CCDC61: variants seen among roughly 807,000 people sequenced by gnomAD.
CCDC61 encodes the protein centrosomal protein CCDC61.
In CCDC61, 55 loss-of-function variants were observed where a neutral mutation model predicts 63.0. The observed-to-expected ratio is 0.87, with a 90% confidence interval of 0.70 to 1.09. CCDC61 has a LOEUF of 1.09. CCDC61 is among the 50% of genes least tolerant of loss of function. The probability of loss-of-function intolerance (pLI) is 0.00; values close to 1 mark genes in which losing one functional copy is unlikely to be tolerated. For missense variants in CCDC61, 651 were observed against 731.4 expected, an observed-to-expected ratio of 0.89 and a Z score of 1.27; for synonymous variants, 270 against 317.0, an observed-to-expected ratio of 0.85 and a Z score of 1.58.
At chr19:45,998,330 T>C (rs772170618) in intron 1 of CCDC61, among the ~76,000 whole-genome samples, 2 of 152,202 alleles carry the variant, frequency 1.3e-5, no homozygotes, top group Non-Finnish European at 2.9e-5. Context: ...TTGTGTATAG[T>C]TGGGACCCGA....
At position 46,018,566 on chromosome 19, in the gene CCDC61, C is replaced by T. The variant is rs1478008785; in HGVS notation, c.*179C>T. 5.1e-6 allele frequency: 3 copies of T among 582,524 alleles called. No individual in the cohort carries two copies. The highest frequency in any genetic ancestry group is 9.3e-6 in the Non-Finnish European group (3 of 322,416). 36.1% of individuals were successfully genotyped at this position (582,524 alleles called of 1,614,324 possible). A position where few individuals can be genotyped will look rare whatever the true frequency, so the allele number is the denominator to read the frequency against. On this transcript the variant is annotated 3_prime_UTR_variant, in exon 14 of 14. Transcript: ENST00000595358. The surrounding 1 kb of genome is among the most constrained non-coding windows in gnomAD (Gnocchi z 4.2). ...CTGCCCTCTCCCCAGGCAGTGCATG[C>T]TGGGAGGGAGGATGTGTGCATTTTG... is the stretch of plus-strand genomic sequence containing the variant.
chr19:46,009,837 T>TGTGTGTGTGTGTGTGTGTGC (rs1272891549), intron 5 of CCDC61, among the ~76,000 whole-genome samples: 1 of 151,228 alleles, frequency 6.6e-6, no homozygotes, highest in Non-Finnish European at 1.5e-5. Flanking sequence ...TGTGTGTGTG[T>TGTGTGTGTGTGTGTGTGTGC]GCGCGCGCGT....
Position 46,008,296 on chromosome 19 carries a change from G to A in CCDC61, c.546G>A (p.Arg182=). 3 of 1,596,036 alleles carry A rather than the reference G, an allele frequency of 1.9e-6. No homozygotes were observed. Among genetic ancestry groups the A allele is most frequent in the South Asian group, 1.1e-5 (1 of 89,804 alleles). ...GGGAGAATGAGATCTGGCATCTGCGGGAGCAGTGAGTCTTGGAGGGGTGGG... is the reference window on the plus strand; with the variant it reads ...GGGAGAATGAGATCTGGCATCTGCGAGAGCAGTGAGTCTTGGAGGGGTGGG... ...DTRENEIWHL[R]EQVSRLASEK... Residue 182 remains arginine (R), a synonymous_variant, in exon 5 of 14, where the codon CGG becomes CGA. Coordinates refer to ENST00000595358, the MANE Select transcript of CCDC61 (RefSeq NM_001267723.2).
chr19:46,017,965 G>C (rs1968981456), intron 12 of CCDC61, 113 bp from the exon 13 acceptor site: 1 of 875,480 alleles, frequency 1.1e-6, no homozygotes, highest in Admixed American at 2.8e-5. Context: ...GCCAGTAGGT[G>C]TCAGGCCTTA....
Position 46,016,470 on chromosome 19 carries a change from C to T in CCDC61, c.1091+77C>T. 1.3e-6 allele frequency: 2 copies of T among 1,515,586 alleles called. No homozygotes were observed. Among genetic ancestry groups the T allele is most frequent in the Non-Finnish European group, 1.8e-6 (2 of 1,100,774 alleles). 93.9% of individuals were successfully genotyped at this position (1,515,586 alleles called of 1,614,324 possible). A position where few individuals can be genotyped will look rare whatever the true frequency, so the allele number is the denominator to read the frequency against. On this transcript the variant is annotated intron_variant, in intron 9 of 13. Transcript: ENST00000595358. The surrounding 1 kb of genome is among the most constrained non-coding windows in gnomAD (Gnocchi z 7.2). Reference sequence around the variant, plus strand: ...CCCGGGCTCTCATCTCTCCACGCCACCATCAGTCTCCATCCCCTGCCACCT... The same window carrying T: ...CCCGGGCTCTCATCTCTCCACGCCATCATCAGTCTCCATCCCCTGCCACCT...
Position 46,015,606 on chromosome 19 carries a change from G to A in CCDC61, c.845+179G>A, listed in dbSNP as rs989590495. 3.9e-5 allele frequency among the ~76,000 whole-genome samples: 6 copies of A among 152,122 alleles called. No individual in the cohort carries two copies. The highest frequency in any genetic ancestry group is 3.2e-3 in the Middle Eastern group (1 of 316). On this transcript the variant is annotated intron_variant, in intron 7 of 13. Coordinates refer to ENST00000595358, the MANE Select transcript of CCDC61 (RefSeq NM_001267723.2). The surrounding 1 kb of genome is among the most constrained non-coding windows in gnomAD (Gnocchi z 5.3). The stretch of plus-strand genomic sequence containing the variant: ...GTCCAGACAGGATTTGGGTGCAGTG[G>A]TTAGGAGGTGGACCCGGGCTGTGCG...
chr19:46,007,804 T>G (rs537928250), intron 4 of CCDC61, among the ~76,000 whole-genome samples: 24 of 152,306 alleles, frequency 1.6e-4, no homozygotes, highest in Non-Finnish European at 2.8e-4. Flanking sequence ...AATGCCCCGC[T>G]GTGGCATCTG....
At chr19:46,012,466 T>A (rs976475690) in intron 5 of CCDC61, among the ~76,000 whole-genome samples, 4 of 152,100 alleles carry the variant, frequency 2.6e-5, no homozygotes, top group Non-Finnish European at 4.4e-5. Context: ...GCCAACATGA[T>A]GAAACCCTGT....
Position 45,995,470 on chromosome 19 carries a change from T to A in CCDC61, c.-46T>A, listed in dbSNP as rs186404911. The A allele has an allele frequency of 1.9e-6, 1 of 531,258 alleles. No individual in the cohort carries two copies. The highest frequency in any genetic ancestry group is 2.0e-5 in the Admixed American group (1 of 51,078). 32.9% of individuals were successfully genotyped at this position (531,258 alleles called of 1,614,324 possible). ...GGGGCGGGGCTGGAGCTTCGTCAGT[T>A]GAACCGCTCGCGAGGAGGGTTGCTA... On this transcript the variant is annotated 5_prime_UTR_variant, in exon 1 of 14. Transcript: ENST00000595358.
chr19:46,016,105 A>C lies in CCDC61; in HGVS notation c.897A>C (p.Ser299=). 1.6e-6 allele frequency: 2 copies of C among 1,236,910 alleles called. No homozygotes were observed. Among genetic ancestry groups the C allele is most frequent in the Non-Finnish European group, 2.0e-6 (2 of 992,186 alleles). The allele number at this position is 1,236,910 out of a possible 1,614,324, so 76.6% of individuals were successfully genotyped here. A position where few individuals can be genotyped will look rare whatever the true frequency, so the allele number is the denominator to read the frequency against. ...QPPPTREDRA[S]SSRERSASRG... ...CCCCGACGCGGGAGGACCGGGCCTC[A>C]TCGTCCCGGGAGCGCTCCGCGTCGC... The change falls in exon 8 of 14, where the codon TCA becomes TCC. Residue 299 remains serine, a synonymous_variant. Transcript: ENST00000595358. This position sits in a 1 kb window ranked among gnomAD's most constrained non-coding sequence, Gnocchi z 7.2.
In CCDC61 at chr19:46,015,030, C is replaced by T. The variant is rs1426899253; in HGVS notation, c.552-19C>T. 6.7e-7 allele frequency: 1 copy of T among 1,487,884 alleles called. No homozygotes were observed. Among genetic ancestry groups the T allele is most frequent in the East Asian group, 2.9e-5 (1 of 34,848 alleles). The allele number at this position is 1,487,884 out of a possible 1,614,324, so 92.2% of individuals were successfully genotyped here. ...GGGCCATGCCTCTCTCTCCAGCGCTCTCTCCGCGTCTTCCCCAGGGTGTCG... is the reference window on the plus strand; with the variant it reads ...GGGCCATGCCTCTCTCTCCAGCGCTTTCTCCGCGTCTTCCCCAGGGTGTCG... On this transcript the variant is annotated intron_variant, in intron 5 of 13. Transcript: ENST00000595358. This position sits in a 1 kb window ranked among gnomAD's most constrained non-coding sequence, Gnocchi z 5.3.
At chr19:45,997,591 A>C (rs1600637306) in intron 1 of CCDC61, among the ~76,000 whole-genome samples, 1 of 152,066 alleles carries the variant, frequency 6.6e-6, no homozygotes, top group Admixed American at 6.6e-5. Flanking sequence ...GGGTTTTGCC[A>C]TGTTGGCCAG....
At chr19:46,002,949 C>T in intron 1 of CCDC61, 59 bp from the exon 2 acceptor site, 1 of 1,528,394 alleles carries the variant, frequency 6.5e-7, no homozygotes, top group Non-Finnish European at 8.9e-7. Flanking sequence ...GCCTGGCCTT[C>T]CAACTCATGA....
intron 5 of CCDC61, among the ~76,000 whole-genome samples, chr19:46,012,605 C>T (rs566648579): frequency 1.3e-5 from 2 of 152,074 alleles, no homozygotes; most frequent in African/African-American, 4.8e-5. Context: ...CGAGATCACG[C>T]CACTGCACTC....
At chr19:46,014,917 T>G in intron 5 of CCDC61, 132 bp from the exon 6 acceptor site, 3 of 685,490 alleles carry the variant, frequency 4.4e-6, no homozygotes, top group Non-Finnish European at 6.6e-6. Flanking sequence ...CCCCTCCCCA[T>G]GGGGTCAGTT....
rs1383527314 is a variant in CCDC61, at chr19:46,006,825, C to T, written c.389+109C>T. 5 of 1,050,130 alleles carry T rather than the reference C, an allele frequency of 4.8e-6. No homozygotes were observed. The African/African-American group carries it at 6.3e-5, about 13-fold the overall frequency. 65.1% of individuals were successfully genotyped at this position (1,050,130 alleles called of 1,614,324 possible). On this transcript the variant is annotated intron_variant, in intron 4 of 13. Coordinates refer to ENST00000595358, the MANE Select transcript of CCDC61 (RefSeq NM_001267723.2). ...CCAGGCAAGGTGATATTGGTTAAGC[C>T]TTGCCTTGGGAATCTTCCCTGTTGG...
Position 46,016,936 on chromosome 19 carries a change from A to G in CCDC61, c.1232-55A>G. On this transcript the variant is annotated intron_variant, in intron 10 of 13. Transcript: ENST00000595358. This position sits in a 1 kb window ranked among gnomAD's most constrained non-coding sequence, Gnocchi z 7.2. ...GGCGGGCGGGCTGGGAGGGCCTGGG[A>G]AGCACTGGGCGGGGCCAGCGAGGGC... 6.4e-7 allele frequency: 1 copy of G among 1,552,528 alleles called. No individual in the cohort carries two copies.
chr19:46,016,767 C>T lies in CCDC61; in HGVS notation c.1165C>T (p.Gln389Ter). The T allele has an allele frequency of 6.4e-7, 1 of 1,571,866 alleles. No individual in the cohort carries two copies. Among genetic ancestry groups the T allele is most frequent in the Non-Finnish European group, 8.6e-7 (1 of 1,159,504 alleles). ...GPSVSWSRQTQPPAALTGRGD... is the reference protein window; with the variant it reads ...GPSVSWSRQT Reference sequence around the variant, plus strand: ...GTCCGTCTCCTGGTCTCGCCAGACCCAGCCCCCTGCTGCCTTGACTGGCCG... The same window carrying T: ...GTCCGTCTCCTGGTCTCGCCAGACCTAGCCCCCTGCTGCCTTGACTGGCCG... The change falls in exon 10 of 14, where the codon CAG (glutamine) becomes TAG (stop). Residue 389 changes from glutamine (Q) to a stop codon, truncating the protein, a stop_gained. Coordinates refer to ENST00000595358, the MANE Select transcript of CCDC61 (RefSeq NM_001267723.2). LOFTEE classifies it high-confidence loss of function. This position sits in a 1 kb window ranked among gnomAD's most constrained non-coding sequence, Gnocchi z 7.2.
Position 46,013,986 on chromosome 19 carries a change from T to C in CCDC61, c.552-1063T>C, listed in dbSNP as rs544901166. Among the ~76,000 whole-genome samples the C allele has an allele frequency of 3.3e-5, 5 of 152,322 alleles. No individual in the cohort carries two copies. The East Asian group carries it at 7.7e-4, about 23-fold the overall frequency. On this transcript the variant is annotated intron_variant, in intron 5 of 13. Coordinates refer to ENST00000595358, the MANE Select transcript of CCDC61 (RefSeq NM_001267723.2). ...CTCCAATGTGCCACCAACTTTGATA[T>C]AGAGTTAGGTCTGTTTGGGCCAGTT...
Sources: allele counts gnomAD v4.1 joint callset (sites outside exome capture counted in the v4.1 genomes callset), GRCh38; gene constraint gnomAD v4.1.1; non-coding constraint Gnocchi (gnomAD v3.1); transcripts MANE v1.5; gene names NCBI Gene and HGNC (gene_info 2026-07-23, HGNC 2026-07-21).